Variants in SNRPA1 observed in about 807,000 individuals in gnomAD.
SNRPA1 encodes small nuclear ribonucleoprotein polypeptide A'.
In SNRPA1, 5 loss-of-function variants were observed where a neutral mutation model predicts 32.3. The observed-to-expected ratio is 0.15, with a 90% confidence interval of 0.08 to 0.33. The LOEUF (loss-of-function observed/expected upper bound fraction) is 0.33, where lower values mean the gene tolerates loss of function less well. SNRPA1 is among the 10% of genes least tolerant of loss of function. The probability of loss-of-function intolerance (pLI) is 1.00; values close to 1 mark genes in which losing one functional copy is unlikely to be tolerated. For synonymous variants in SNRPA1, 111 were observed against 120.1 expected (o/e 0.92, Z 0.50); for missense variants, 198 against 311.1 (o/e 0.64, Z 2.74).
intron 7 of SNRPA1, among the ~76,000 whole-genome samples, chr15:101,285,382 T>C (rs1484708403): frequency 2.0e-5 from 3 of 152,078 alleles, no homozygotes; most frequent in Non-Finnish European, 4.4e-5. Context: ...AAAACGAGGG[T>C]CCCTACTGAT....
intron 8 of SNRPA1, among the ~76,000 whole-genome samples, chr15:101,283,914 T>G (rs975280031): frequency 6.6e-6 from 1 of 152,238 alleles, no homozygotes; most frequent in Non-Finnish European, 1.5e-5. Context: ...CACTCCAGCC[T>G]GGGCAAAAAG....
chr15:101,287,730 C>T (rs765606305), intron 3 of SNRPA1, 28 bp from the exon 4 acceptor site: 55 of 1,606,820 alleles, frequency 3.4e-5, no homozygotes, highest in Admixed American at 5.0e-5. Flanking sequence ...CAGGTAAGAA[C>T]GCGAATACCA....
Position 101,285,798 on chromosome 15 carries a change from A to G in SNRPA1, c.543T>C (p.Phe181=), listed in dbSNP as rs1567124402. The G allele has an allele frequency of 1.9e-6, 3 of 1,612,844 alleles. No individual in the cohort carries two copies. The highest frequency in any genetic ancestry group is 2.5e-6 in the Non-Finnish European group (3 of 1,179,232). The change falls in exon 7 of 9, where the codon TTT becomes TTC. Residue 181 remains phenylalanine, a synonymous_variant. Transcript: ENST00000254193. ...CAGTTGGCAAACCAGCACCTGGATT[A>G]AAACTTAAGAGGGGGAAGAACATAA... is the stretch of plus-strand genomic sequence containing the variant. ...AKDIARRSKT[F]NPGAGLPTDK...
chr15:101,293,325 C>G, intron 1 of SNRPA1, 153 bp from the exon 2 acceptor site: 2 of 512,372 alleles, frequency 3.9e-6, no homozygotes, highest in Non-Finnish European at 6.9e-6. Flanking sequence ...CATGACTTGC[C>G]GCTGTTTAAG....
chr15:101,282,339 G>A (rs1429904211), intron 8 of SNRPA1, among the ~76,000 whole-genome samples: 6 of 152,214 alleles, frequency 3.9e-5, no homozygotes, highest in Admixed American at 3.9e-4. Context: ...CTTAATGTCT[G>A]ACTTAACATC....
chr15:101,291,872 T>A lies in SNRPA1; in HGVS notation c.309+90A>T. 3.8e-6 allele frequency: 3 copies of A among 779,686 alleles called. No individual in the cohort carries two copies. In the South Asian group the frequency reaches 5.1e-5, roughly 13 times the overall value. 48.3% of individuals were successfully genotyped at this position (779,686 alleles called of 1,614,324 possible). On this transcript the variant is annotated intron_variant, in intron 3 of 8. Transcript: ENST00000254193. ...AAAGACAAGAAAGAGGATACTGAGA[T>A]CATTTTCTAGATTTTGTAAATTTTC...
chr15:101,290,149 T>C (rs1049702468), intron 3 of SNRPA1, among the ~76,000 whole-genome samples: 2 of 152,128 alleles, frequency 1.3e-5, no homozygotes, highest in Non-Finnish European at 2.9e-5. Flanking sequence ...ACCAGAAAGA[T>C]ATGAATAATT....
At chr15:101,290,038 A>G (rs535324409) in intron 3 of SNRPA1, 41 of 152,270 alleles carry the variant, frequency 2.7e-4, no homozygotes, top group African/African-American at 8.9e-4. Context: ...TATCATGCAT[A>G]TAACTAACCA....
intron 8 of SNRPA1, 149 bp from the exon 9 acceptor site, chr15:101,281,931 C>G (rs934902138): frequency 2.0e-5 from 14 of 706,942 alleles, no homozygotes; most frequent in Middle Eastern, 2.4e-4. Context: ...AGGAGCTTAT[C>G]GTCCAGGGAC....
Position 101,284,955 on chromosome 15 carries a change from C to G in SNRPA1, c.709+12G>C. ...CATTAATTTGAACATACAAAGAACA[C>G]CATTTGTTCACCTGATCTGCGTTCT... is the stretch of plus-strand genomic sequence containing the variant. On this transcript the variant is annotated intron_variant, in intron 8 of 8. Transcript: ENST00000254193. 1 of 1,597,906 alleles carries G rather than the reference C, an allele frequency of 6.3e-7. No homozygotes were observed. Among genetic ancestry groups the G allele is most frequent in the Non-Finnish European group, 8.6e-7 (1 of 1,165,448 alleles).
intron 4 of SNRPA1, among the ~76,000 whole-genome samples, 186 bp downstream of exon 4, chr15:101,287,470 T>C (rs1287709228): frequency 6.6e-6 from 1 of 152,198 alleles, no homozygotes; most frequent in Non-Finnish European, 1.5e-5. Flanking sequence ...TTGCTGAGAA[T>C]GATGGTTTCC....
chr15:101,284,112 G>C (rs1299490075), intron 8 of SNRPA1, among the ~76,000 whole-genome samples: 1 of 152,184 alleles, frequency 6.6e-6, no homozygotes, highest in African/African-American at 2.4e-5. Context: ...CCCACATGCA[G>C]CCTAGCATAA....
At chr15:101,291,916 C>T (rs1210482017) in intron 3 of SNRPA1, 46 bp downstream of exon 3, 2 of 1,257,386 alleles carry the variant, frequency 1.6e-6, no homozygotes, top group Non-Finnish European at 2.3e-6. Flanking sequence ...GCACATAGTA[C>T]CTTTAACCCC....
intron 3 of SNRPA1, among the ~76,000 whole-genome samples, chr15:101,290,120 T>C (rs1218737639): frequency 6.6e-6 from 1 of 151,960 alleles, no homozygotes; most frequent in Non-Finnish European, 1.5e-5. Flanking sequence ...GGTCACAACA[T>C]AATAAAAAGT....
chr15:101,292,085 C>T, intron 2 of SNRPA1, 45 bp from the exon 3 acceptor site: 1 of 1,333,862 alleles, frequency 7.5e-7, no homozygotes, highest in Admixed American at 1.7e-5. Context: ...ATTAAATAAG[C>T]TAACAATTTT....
intron 5 of SNRPA1, 108 bp from the exon 6 acceptor site, chr15:101,286,401 G>T: frequency 1.1e-6 from 1 of 904,158 alleles, no homozygotes; most frequent in Non-Finnish European, 1.6e-6. Context: ...CTCCGGGCTG[G>T]TGAAAATACC....
At chr15:101,289,510 G>A (rs954127266) in intron 3 of SNRPA1, among the ~76,000 whole-genome samples, 4 of 152,176 alleles carry the variant, frequency 2.6e-5, no homozygotes, top group Non-Finnish European at 1.5e-5. Flanking sequence ...ATTGAAGAAC[G>A]GGTGGGACAG....
At chr15:101,286,821 T>C in intron 5 of SNRPA1, 87 bp downstream of exon 5, 1 of 678,406 alleles carries the variant, frequency 1.5e-6, no homozygotes, top group South Asian at 2.0e-5. Flanking sequence ...AATTTACTCA[T>C]TTAGACAATT....
chr15:101,284,883 CCA>C (rs2039437487), intron 8 of SNRPA1, 82 bp downstream of exon 8: 1 of 994,274 alleles, frequency 1.0e-6, no homozygotes, highest in Admixed American at 1.7e-5. Context: ...CTCTGGCATT[CCA>C]GAGTCATGGC....
Sources: gnomAD v4.1 joint callset for allele counts (sites outside exome capture counted in the v4.1 genomes callset) on GRCh38, gnomAD v4.1.1 for gene constraint, MANE v1.5 for transcripts, NCBI Gene and HGNC (gene_info 2026-07-23, HGNC 2026-07-21) for gene names.